NOP9: variants seen among roughly 807,000 people sequenced by gnomAD.
NOP9 encodes nucleolar protein 9.
A neutral mutation model predicts 63.0 loss-of-function variants in NOP9; 50 were observed. The ratio of observed to expected loss-of-function variants is 0.79; its 90% CI spans 0.63 to 1.00. NOP9 has a LOEUF of 1.00. Ranked by LOEUF, NOP9 falls within the 50% of genes least tolerant of loss-of-function variation. NOP9 has a pLI of 0.00. For missense variants in NOP9, 758 were observed against 803.0 expected, an observed-to-expected ratio of 0.94 and a Z score of 0.68; for synonymous variants, 343 against 332.8, an observed-to-expected ratio of 1.03 and a Z score of -0.33.
chr14:24,305,312 A>G lies in NOP9; in HGVS notation c.*217A>G. 1.7e-6 allele frequency: 1 copy of G among 572,444 alleles called. No individual in the cohort carries two copies. Among genetic ancestry groups the G allele is most frequent in the Non-Finnish European group, 2.9e-6 (1 of 347,934 alleles). 35.5% of individuals were successfully genotyped at this position (572,444 alleles called of 1,614,324 possible). A position where few individuals can be genotyped will look rare whatever the true frequency, so the allele number is the denominator to read the frequency against. On this transcript the variant is annotated 3_prime_UTR_variant, in exon 10 of 10. Transcript: ENST00000267425. Reference sequence around the variant, plus strand: ...TCAGTATGCTGGGGAGTTTAGGGACAGGAGGCATTGGTAGGGGATTAGATG... The same window carrying G: ...TCAGTATGCTGGGGAGTTTAGGGACGGGAGGCATTGGTAGGGGATTAGATG...
In NOP9 at chr14:24,300,168, T is replaced by C; in HGVS notation, c.214T>C (p.Leu72=). The part of the protein sequence containing the change: ...LGYFRRALSA[L]KEAPETGEER... ...ATATTTCCGCCGGGCGCTGTCAGCATTGAAAGAGGCTCCCGAGACTGGGGA... is the reference window on the plus strand; with the variant it reads ...ATATTTCCGCCGGGCGCTGTCAGCACTGAAAGAGGCTCCCGAGACTGGGGA... The change falls in exon 1 of 10, where the codon TTG becomes CTG. Residue 72 remains leucine, a synonymous_variant. Coordinates refer to ENST00000267425, the MANE Select transcript of NOP9 (RefSeq NM_174913.3). 5 of 1,614,084 alleles carry C rather than the reference T, an allele frequency of 3.1e-6. No homozygotes were observed. Among genetic ancestry groups the C allele is most frequent in the Non-Finnish European group, 4.2e-6 (5 of 1,179,990 alleles).
chr14:24,303,319 A>G, intron 6 of NOP9, 105 bp downstream of exon 6: 1 of 1,414,904 alleles, frequency 7.1e-7, no homozygotes, highest in Non-Finnish European at 9.9e-7. Context: ...AGGAAGTCTA[A>G]TGCCCAAGGA....
At chr14:24,290,987 C>T in the NOP9 span, 36 of 1,613,970 alleles carry the variant, frequency 2.2e-5, no homozygotes, top group South Asian at 9.9e-5. Context: ...TAGTCTTGGA[C>T]GGGGCGGCCT....
Position 24,308,002 on chromosome 14 carries a change from C to T in NOP9, c.*2907C>T. ...TGAGTCAAGCCTGGACTCTGGCCCCCCTGCCTGGCCAGTAAGAAGGGCAAA... is the reference window on the plus strand; with the variant it reads ...TGAGTCAAGCCTGGACTCTGGCCCCTCTGCCTGGCCAGTAAGAAGGGCAAA... On this transcript the variant is annotated 3_prime_UTR_variant, in exon 10 of 10. Coordinates refer to ENST00000267425, the MANE Select transcript of NOP9 (RefSeq NM_174913.3). The T allele has an allele frequency of 4.0e-6, 3 of 743,304 alleles. No individual in the cohort carries two copies. Among genetic ancestry groups the T allele is most frequent in the Non-Finnish European group, 7.0e-6 (3 of 429,188 alleles). The allele number at this position is 743,304 out of a possible 1,614,324, so 46.0% of individuals were successfully genotyped here. A position where few individuals can be genotyped will look rare whatever the true frequency, so the allele number is the denominator to read the frequency against.
chr14:24,304,149 G>A lies in NOP9; in HGVS notation c.1519G>A (p.Gly507Ser), dbSNP rs1287097799. Residue 507 changes from glycine to serine, a missense_variant, in exon 8 of 10, where the codon GGT becomes AGT. By Grantham distance (56) the Gly-to-Ser change is moderately conservative. Coordinates refer to ENST00000267425, the MANE Select transcript of NOP9 (RefSeq NM_174913.3). ...TCCTGGTCTTGTACTTCGAAGTCTG[G>A]GTGCCTTGACGGGACCACAGCTTCT... is the stretch of plus-strand genomic sequence containing the variant. ...STPGLVLRSL[G>S]ALTGPQLLSL... is the part of the protein sequence containing the mutation. 6.2e-7 allele frequency: 1 copy of A among 1,614,200 alleles called. No homozygotes were observed. The highest frequency in any genetic ancestry group is 2.2e-5 in the East Asian group (1 of 44,886).
chr14:24,296,765 C>G, upstream of NOP9: 3 of 1,614,166 alleles, frequency 1.9e-6, no homozygotes, highest in Non-Finnish European at 2.5e-6. Context: ...CATTGTTGAC[C>G]AGCACATCTA....
chr14:24,275,164 G>A, the NOP9 span, among the ~76,000 whole-genome samples: 26 of 151,966 alleles, frequency 1.7e-4, no homozygotes, highest in African/African-American at 4.4e-4. Context: ...TGCCTGCCTC[G>A]GCCTCCCAAA....
At chr14:24,273,634 A>G in the NOP9 span, among the ~76,000 whole-genome samples, 1 of 152,346 alleles carries the variant, frequency 6.6e-6, no homozygotes, top group Non-Finnish European at 1.5e-5. Context: ...CCCAGTGAGG[A>G]AAGAGTTAAG....
the NOP9 span, chr14:24,292,890 G>A: frequency 7.0e-7 from 1 of 1,438,116 alleles, no homozygotes; most frequent in Non-Finnish European, 9.2e-7. Flanking sequence ...TGTCCACTAG[G>A]AAGGCTACAC....
chr14:24,297,815 A>C (rs979563403), upstream of NOP9, among the ~76,000 whole-genome samples: 1 of 152,072 alleles, frequency 6.6e-6, no homozygotes, highest in East Asian at 1.9e-4. Context: ...GCTTTTCCTA[A>C]CTTCCTTTAC....
chr14:24,285,863 C>T, the NOP9 span, among the ~76,000 whole-genome samples: 1 of 152,040 alleles, frequency 6.6e-6, no homozygotes. Flanking sequence ...GTGGCAGGCG[C>T]CTGTAATCCC....
chr14:24,306,271 T>G lies in NOP9; in HGVS notation c.*1176T>G, dbSNP rs984910413. 1.2e-5 allele frequency: 18 copies of G among 1,547,876 alleles called. No individual in the cohort carries two copies. The highest frequency in any genetic ancestry group is 1.6e-5 in the Non-Finnish European group (18 of 1,129,386). The stretch of plus-strand genomic sequence containing the variant: ...GTGACATCCTTGACAATTCCACAAC[T>G]CCTCCTGCACCTGGTCCCCAGGATC... On this transcript the variant is annotated 3_prime_UTR_variant, in exon 10 of 10. Transcript: ENST00000267425.
At position 24,300,143 on chromosome 14, in the gene NOP9, A is replaced by G; in HGVS notation, c.189A>G (p.Gly63=). ...SHPHLSPEAL[G]YFRRALSALK... is the part of the protein sequence containing the mutation. The stretch of plus-strand genomic sequence containing the variant: ...CGCACCTGAGCCCGGAAGCTCTGGG[A>G]TATTTCCGCCGGGCGCTGTCAGCAT... Residue 63 remains glycine (G), a synonymous_variant, in exon 1 of 10, where the codon GGA becomes GGG. Transcript: ENST00000267425. 6.2e-7 allele frequency: 1 copy of G among 1,613,996 alleles called. No individual in the cohort carries two copies. Among genetic ancestry groups the G allele is most frequent in the South Asian group, 1.1e-5 (1 of 91,082 alleles).
chr14:24,273,637 G>A, the NOP9 span, among the ~76,000 whole-genome samples: 1 of 152,250 alleles, frequency 6.6e-6, no homozygotes, highest in African/African-American at 2.4e-5. Context: ...AGTGAGGAAA[G>A]AGTTAAGCCA....
At chr14:24,271,353 A>C in the NOP9 span, 2 of 430,752 alleles carry the variant, frequency 4.6e-6, no homozygotes, top group African/African-American at 2.0e-5. Flanking sequence ...GGCCCTTCCT[A>C]TAGCCCGATT....
At chr14:24,277,522 A>G in the NOP9 span, among the ~76,000 whole-genome samples, 2 of 152,166 alleles carry the variant, frequency 1.3e-5, no homozygotes, top group Non-Finnish European at 2.9e-5. Flanking sequence ...GAAGAAATGG[A>G]CAACGAAGAG....
chr14:24,274,559 T>G, the NOP9 span, among the ~76,000 whole-genome samples: 2 of 151,734 alleles, frequency 1.3e-5, no homozygotes, highest in Non-Finnish European at 2.9e-5. Context: ...GAGTTATATT[T>G]GGCCTCCTAT....
chr14:24,301,218 C>A (rs917604643), intron 2 of NOP9, among the ~76,000 whole-genome samples: 2 of 150,976 alleles, frequency 1.3e-5, no homozygotes, highest in Non-Finnish European at 3.0e-5. Context: ...ATTTTTTTTT[C>A]CTTTTCAAAA....
At chr14:24,291,432 C>CA in the NOP9 span, 2 of 1,216,444 alleles carry the variant, frequency 1.6e-6, no homozygotes, top group Non-Finnish European at 2.4e-6. Context: ...CCTTGGGCCT[C>CA]AAAAAGCAGA....
Sources: allele counts gnomAD v4.1 joint callset (sites outside exome capture counted in the v4.1 genomes callset), GRCh38; gene constraint gnomAD v4.1.1; transcripts MANE v1.5; gene names NCBI Gene and HGNC (gene_info 2026-07-23, HGNC 2026-07-21).